PTPRD: variants seen among roughly 807,000 people sequenced by gnomAD.
PTPRD encodes the protein receptor-type tyrosine-protein phosphatase delta.
In PTPRD, 34 loss-of-function variants were observed where a neutral mutation model predicts 214.5. The ratio of observed to expected loss-of-function variants is 0.16; its 90% confidence interval spans 0.12 to 0.21. PTPRD has a LOEUF of 0.21. Ranked by LOEUF, PTPRD falls within the 10% of genes least tolerant of loss-of-function variation. The pLI is 1.00. For synonymous variants in PTPRD, 1,128 were observed against 845.7 expected, an observed-to-expected ratio of 1.33 and a Z score of -5.79; for missense variants, 2,545 against 2,398.7, an observed-to-expected ratio of 1.06 and a Z score of -1.27.
intron 3 of PTPRD, among the ~76,000 whole-genome samples, chr9:10,256,272 T>C (rs988538322): frequency 3.9e-5 from 6 of 152,110 alleles, no homozygotes; most frequent in African/African-American, 1.2e-4. Flanking sequence ...AATATCTTTG[T>C]CTTCCATCTC....
At chr9:9,633,057 G>A (rs1208559659) in intron 7 of PTPRD, among the ~76,000 whole-genome samples, 2 of 152,288 alleles carry the variant, frequency 1.3e-5, no homozygotes, top group Admixed American at 1.3e-4. Flanking sequence ...CACTTTGGGA[G>A]GTGGAGGCAG....
intron 5 of PTPRD, among the ~76,000 whole-genome samples, chr9:9,775,366 C>G (rs1316983523): frequency 6.6e-6 from 1 of 152,100 alleles, no homozygotes; most frequent in African/African-American, 2.4e-5. Context: ...AGATCAGGGT[C>G]CTAAATTCTT....
At chr9:9,587,869 G>A (rs756973388) in intron 7 of PTPRD, among the ~76,000 whole-genome samples, 1 of 151,932 alleles carries the variant, frequency 6.6e-6, no homozygotes, top group East Asian at 1.9e-4. Context: ...TGGAATTGGA[G>A]GATAAAGAGA....
intron 3 of PTPRD, among the ~76,000 whole-genome samples, chr9:10,208,371 G>A (rs1409678495): frequency 6.6e-6 from 1 of 152,080 alleles, no homozygotes; most frequent in East Asian, 1.9e-4. Context: ...AAAATTAGCC[G>A]GGCGTGGTGG....
At chr9:9,364,981 T>C (rs529760785) in intron 9 of PTPRD, among the ~76,000 whole-genome samples, 1 of 151,452 alleles carries the variant, frequency 6.6e-6, no homozygotes, top group South Asian at 2.1e-4. Context: ...TACATTGAGA[T>C]TGTACATCTC....
intron 10 of PTPRD, among the ~76,000 whole-genome samples, chr9:9,165,020 C>A (rs563521503): frequency 6.7e-6 from 1 of 148,564 alleles, no homozygotes; most frequent in East Asian, 2.0e-4. Context: ...CCACTGCACT[C>A]CAGCCTGGGT....
At chr9:9,939,043 C>G (rs2090572391) in intron 4 of PTPRD, among the ~76,000 whole-genome samples, 1 of 150,556 alleles carries the variant, frequency 6.6e-6, no homozygotes, top group Non-Finnish European at 1.5e-5. Context: ...GAAAAGGAAT[C>G]TCAGTAGGAA....
intron 2 of PTPRD, among the ~76,000 whole-genome samples, chr9:10,463,258 G>T (rs555905910): frequency 6.6e-6 from 1 of 152,008 alleles, no homozygotes; most frequent in Admixed American, 6.6e-5. Context: ...ATTTTAACGA[G>T]CATTTATTTG....
At chr9:10,458,684 C>T (rs1291683925) in intron 2 of PTPRD, among the ~76,000 whole-genome samples, 1 of 151,922 alleles carries the variant, frequency 6.6e-6, no homozygotes, top group Non-Finnish European at 1.5e-5. Flanking sequence ...TACTGAAGTA[C>T]TACAAAGAGT....
chr9:10,108,865 A>G (rs2098662699), intron 3 of PTPRD, among the ~76,000 whole-genome samples: 1 of 84,214 alleles, frequency 1.2e-5, no homozygotes, highest in Non-Finnish European at 3.1e-5. Context: ...AGGCACGTAA[A>G]GAGGGTTTTT....
intron 10 of PTPRD, among the ~76,000 whole-genome samples, chr9:9,019,340 GAAAGAAAGAA>G (rs2099553309): frequency 4.3e-5 from 1 of 23,020 alleles, no homozygotes; most frequent in East Asian, 1.5e-3. Flanking sequence ...AAGAAAGAAC[GAAAGAAAGAA>G]AGAAAGAAAG....
chr9:9,496,906 C>T lies in PTPRD; in HGVS notation c.-237+77826G>A, dbSNP rs1417895422. ...GTGGTTTATACATAAAATAGAATAT[C>T]ATTCAGCCTTAAAAAGGAAGGAAAT... On this transcript the variant is annotated intron_variant, in intron 8 of 45. Coordinates refer to ENST00000381196, the MANE Select transcript of PTPRD (RefSeq NM_002839.4). Among the ~76,000 whole-genome samples, 4 of 152,080 alleles carry T rather than the reference C, an allele frequency of 2.6e-5. No individual in the cohort carries two copies. The South Asian group carries it at 6.2e-4, about 24-fold the overall frequency.
intron 9 of PTPRD, among the ~76,000 whole-genome samples, chr9:9,340,580 G>A (rs1395649546): frequency 6.6e-6 from 1 of 152,196 alleles, no homozygotes; most frequent in Non-Finnish European, 1.5e-5. Context: ...TACAGACTTG[G>A]TGGGTGCGTG....
intron 8 of PTPRD, among the ~76,000 whole-genome samples, chr9:9,429,542 C>T (rs923805257): frequency 2.0e-5 from 3 of 152,176 alleles, no homozygotes; most frequent in African/African-American, 7.2e-5. Flanking sequence ...TCCTCCCTTA[C>T]TCATTTTATG....
At chr9:10,361,015 T>G (rs917345528) in intron 2 of PTPRD, among the ~76,000 whole-genome samples, 5 of 152,008 alleles carry the variant, frequency 3.3e-5, no homozygotes, top group African/African-American at 4.8e-5. Flanking sequence ...GGCAGGAGAA[T>G]GGCGTGAACA....
At chr9:8,402,152 T>C (rs947720277) in intron 36 of PTPRD, among the ~76,000 whole-genome samples, 1 of 152,182 alleles carries the variant, frequency 6.6e-6, no homozygotes, top group Non-Finnish European at 1.5e-5. Context: ...GAAAGCTCTC[T>C]ATAGCTCATG....
intron 9 of PTPRD, among the ~76,000 whole-genome samples, chr9:9,250,953 C>T (rs113648860): frequency 0.023 from 3,446 of 152,170 alleles, 139 homozygotes; most frequent in African/African-American, 0.08. Flanking sequence ...AAATGTTCAG[C>T]TTTCCTGATC....
chr9:9,416,357 C>A (rs1368867009), intron 8 of PTPRD, among the ~76,000 whole-genome samples: 1 of 152,138 alleles, frequency 6.6e-6, no homozygotes, highest in Non-Finnish European at 1.5e-5. Context: ...TGATTTGAGT[C>A]CCAGCTCTCC....
At chr9:8,863,956 T>G (rs2098151100) in intron 11 of PTPRD, among the ~76,000 whole-genome samples, 1 of 152,180 alleles carries the variant, frequency 6.6e-6, no homozygotes, top group Non-Finnish European at 1.5e-5. Flanking sequence ...GAAGGAATAT[T>G]TTAAAATACA....
Sources: gnomAD v4.1 joint callset for allele counts (sites outside exome capture counted in the v4.1 genomes callset) on GRCh38, gnomAD v4.1.1 for gene constraint, MANE v1.5 for transcripts, NCBI Gene and HGNC (gene_info 2026-07-23, HGNC 2026-07-21) for gene names.